VEPH1: variants seen among roughly 807,000 people sequenced by gnomAD.
VEPH1 encodes the protein ventricular zone expressed PH domain containing 1.
VEPH1 carries 80 observed loss-of-function variants against 85.2 expected under a neutral mutation model. The ratio of observed to expected loss-of-function variants is 0.94; its 90% CI spans 0.78 to 1.13. The LOEUF (loss-of-function observed/expected upper bound fraction) is 1.13, where lower values mean the gene tolerates loss of function less well. Among genes scored for constraint, VEPH1 ranks in the 50% most tolerant of loss-of-function variants. VEPH1 has a pLI of 0.00. For missense variants in VEPH1, 955 were observed against 980.5 expected, an observed-to-expected ratio of 0.97 and a Z score of 0.35; for synonymous variants, 297 against 348.0, an observed-to-expected ratio of 0.85 and a Z score of 1.63.
chr3:157,384,886 T>C (rs1729128465), intron 6 of VEPH1, among the ~76,000 whole-genome samples: 2 of 152,188 alleles, frequency 1.3e-5, no homozygotes, highest in Admixed American at 1.3e-4. Flanking sequence ...ATTTTCCTGC[T>C]TTCAGTCACC....
chr3:157,381,301 G>A lies in VEPH1; in HGVS notation c.982C>T (p.Leu328=), dbSNP rs199627611. 38 of 1,614,192 alleles carry A rather than the reference G, an allele frequency of 2.4e-5. No homozygotes were observed. Among genetic ancestry groups the A allele is most frequent in the Non-Finnish European group, 3.1e-5 (36 of 1,180,028 alleles). Residue 328 remains leucine (L), a synonymous_variant, in exon 7 of 14, where the codon CTG becomes TTG. Transcript: ENST00000362010. ...NMEHSFHHIL[L]LEIKSITDTF... ...TCGGTGATGCTTTTAATCTCCAGCAGGAGAATATGGTGAAACGAATGCTCC... is the reference window on the plus strand; with the variant it reads ...TCGGTGATGCTTTTAATCTCCAGCAAGAGAATATGGTGAAACGAATGCTCC...
chr3:157,484,058 C>G (rs1343673648), intron 2 of VEPH1, among the ~76,000 whole-genome samples: 1 of 151,902 alleles, frequency 6.6e-6, no homozygotes, highest in Non-Finnish European at 1.5e-5. Context: ...CCATAGAACA[C>G]CAAAGGCACA....
chr3:157,473,249 T>G (rs1172765057), intron 2 of VEPH1, among the ~76,000 whole-genome samples: 1 of 151,788 alleles, frequency 6.6e-6, no homozygotes, highest in Non-Finnish European at 1.5e-5. Flanking sequence ...ATTTTTTGGA[T>G]TTTTAGTAGA....
chr3:157,440,176 T>A (rs1181627245), intron 4 of VEPH1, among the ~76,000 whole-genome samples: 2 of 152,230 alleles, frequency 1.3e-5, no homozygotes, highest in Non-Finnish European at 2.9e-5. Context: ...GAAAATAGAA[T>A]CACTGCCTCA....
rs114917119 is a variant in VEPH1 at position 157,480,635 on chromosome 3, T to C, written c.139-10106A>G. On this transcript the variant is annotated intron_variant, in intron 2 of 13. Coordinates refer to ENST00000362010, the MANE Select transcript of VEPH1 (RefSeq NM_001167912.2). ...TGTTGCTGCAAAGGACATGACTTTG[T>C]TTTTATGGCTGTGCAGTATGCCATG... Among the ~76,000 whole-genome samples the C allele has an allele frequency of 4.1e-3, 632 of 152,322 alleles. 6 individuals are homozygous for C. The highest frequency in any genetic ancestry group is 0.015 in the African/African-American group (604 of 41,572).
rs199678437 is a variant in VEPH1, at chr3:157,261,292, G to A, written c.2344C>T (p.Arg782Cys). ...VKAVAKKRRD[R>C]SLPRAFEIFT... The stretch of plus-strand genomic sequence containing the variant: ...ATTTCGAAAGCCCGGGGGAGAGAGC[G>A]GTCCCTGCGTTTCTTGGCCACAGCC... Residue 782 changes from arginine (R) to cysteine (C), a missense_variant, in exon 14 of 14, where the codon CGC becomes TGC. Coordinates refer to ENST00000362010, the MANE Select transcript of VEPH1 (RefSeq NM_001167912.2). 92 of 1,613,654 alleles carry A rather than the reference G, an allele frequency of 5.7e-5. No homozygotes were observed. The East Asian group carries it at 1.1e-3, about 20-fold the overall frequency.
chr3:157,296,057 AT>A (rs1718095671), intron 11 of VEPH1, among the ~76,000 whole-genome samples: 2 of 152,252 alleles, frequency 1.3e-5, no homozygotes, highest in Admixed American at 6.5e-5. Flanking sequence ...GAACAGATAT[AT>A]TTAAAAAACA....
intron 9 of VEPH1, among the ~76,000 whole-genome samples, chr3:157,352,310 C>T (rs1724953307): frequency 6.6e-6 from 1 of 152,102 alleles, no homozygotes. Flanking sequence ...GTTTATTTTC[C>T]CCTCTACATT....
chr3:157,308,881 G>A (rs997571523), intron 11 of VEPH1, among the ~76,000 whole-genome samples: 7 of 152,048 alleles, frequency 4.6e-5, no homozygotes, highest in African/African-American at 1.2e-4. Context: ...ATCTCATAGT[G>A]TTGTCATTGG....
chr3:157,287,033 G>A (rs1440968695), intron 11 of VEPH1, among the ~76,000 whole-genome samples: 2 of 152,074 alleles, frequency 1.3e-5, no homozygotes, highest in Non-Finnish European at 2.9e-5. Context: ...ACATGCTGCT[G>A]GGGGATTTAC....
intron 12 of VEPH1, among the ~76,000 whole-genome samples, chr3:157,271,571 T>C (rs1180099755): frequency 6.6e-6 from 1 of 152,108 alleles, no homozygotes; most frequent in African/African-American, 2.4e-5. Context: ...AGCTGTGGCC[T>C]GGAATAGAGG....
At chr3:157,304,024 TA>T (rs1185769757) in intron 11 of VEPH1, among the ~76,000 whole-genome samples, 1 of 71,318 alleles carries the variant, frequency 1.4e-5, no homozygotes, top group African/African-American at 8.2e-5. Flanking sequence ...TTATATTTTT[TA>T]TATATATATA....
In VEPH1 at chr3:157,365,166, G is replaced by T. The variant is rs186040892; in HGVS notation, c.1128-654C>A. 2.1e-3 allele frequency among the ~76,000 whole-genome samples: 324 copies of T among 152,294 alleles called. 1 individual carries two copies. The highest frequency in any genetic ancestry group is 3.3e-3 in the Non-Finnish European group (223 of 68,014). On this transcript the variant is annotated intron_variant, in intron 7 of 13. Coordinates refer to ENST00000362010, the MANE Select transcript of VEPH1 (RefSeq NM_001167912.2). Reference sequence around the variant, plus strand: ...TTTGGATTTCCTCTGAGGGCTAACAGTGCCTTAGCTAGAATAAGCACCTAC... The same window carrying T: ...TTTGGATTTCCTCTGAGGGCTAACATTGCCTTAGCTAGAATAAGCACCTAC...
At chr3:157,314,917 T>C (rs894826405) in intron 10 of VEPH1, among the ~76,000 whole-genome samples, 10 of 152,108 alleles carry the variant, frequency 6.6e-5, no homozygotes, top group Non-Finnish European at 5.9e-5. Context: ...CAATGATGTG[T>C]CTAATAATCA....
intron 6 of VEPH1, among the ~76,000 whole-genome samples, chr3:157,403,440 G>A (rs1730916254): frequency 6.6e-6 from 1 of 151,984 alleles, no homozygotes; most frequent in African/African-American, 2.4e-5. Context: ...GCCTATTAAA[G>A]GATCTTTTTT....
intron 2 of VEPH1, among the ~76,000 whole-genome samples, chr3:157,480,987 C>T (rs1055620525): frequency 2.0e-5 from 3 of 152,018 alleles, no homozygotes; most frequent in Non-Finnish European, 4.4e-5. Context: ...TTAACAAAAG[C>T]CATTCTAGCT....
Position 157,260,358 on chromosome 3 carries a change from A to G in VEPH1, c.*776T>C, listed in dbSNP as rs1294430249. 1.3e-5 allele frequency: 2 copies of G among 152,216 alleles called. No individual in the cohort carries two copies. Among genetic ancestry groups the G allele is most frequent in the African/African-American group, 2.4e-5 (1 of 41,470 alleles). 9.4% of individuals were successfully genotyped at this position (152,216 alleles called of 1,614,324 possible). A position where few individuals can be genotyped will look rare whatever the true frequency, so the allele number is the denominator to read the frequency against. ...AAAAGTTGAATACAAAGAAAAAATT[A>G]TAGAACTTTAAAGTCTTAATTTTAA... On this transcript the variant is annotated 3_prime_UTR_variant, in exon 14 of 14. Coordinates refer to ENST00000362010, the MANE Select transcript of VEPH1 (RefSeq NM_001167912.2).
chr3:157,395,040 T>A (rs889635969), intron 6 of VEPH1, among the ~76,000 whole-genome samples: 1 of 152,202 alleles, frequency 6.6e-6, no homozygotes, highest in Non-Finnish European at 1.5e-5. Context: ...TCAAGCCAGC[T>A]GCTTCAGGAT....
Position 157,364,383 on chromosome 3 carries a change from C to G in VEPH1, c.1257G>C (p.Gly419=). ...TTCTGATAGAGCCAGGGGTATTGCT[C>G]CCTGCATTTATCTTGTCTTCAAAAG... ...IQAFEDKINA[G]SNTPGSIRRY... is the part of the protein sequence containing the mutation. Residue 419 remains glycine (G), a synonymous_variant, in exon 8 of 14, where the codon GGG becomes GGC. Coordinates refer to ENST00000362010, the MANE Select transcript of VEPH1 (RefSeq NM_001167912.2). 1 of 1,613,948 alleles carries G rather than the reference C, an allele frequency of 6.2e-7. No homozygotes were observed.
Sources: allele counts gnomAD v4.1 joint callset (sites outside exome capture counted in the v4.1 genomes callset), GRCh38; gene constraint gnomAD v4.1.1; transcripts MANE v1.5; gene names NCBI Gene and HGNC (gene_info 2026-07-23, HGNC 2026-07-21).